The following ZNRF1 variants were observed in gnomAD, a reference collection of about 807,000 sequenced individuals.
ZNRF1 encodes the protein E3 ubiquitin-protein ligase ZNRF1.
A neutral mutation model predicts 18.4 loss-of-function variants in ZNRF1; 3 were observed. The observed-to-expected ratio is 0.16, with a 90% confidence interval of 0.07 to 0.42. ZNRF1 has a LOEUF of 0.42. Among genes scored for constraint, ZNRF1 ranks in the 10% least tolerant of loss-of-function variants. ZNRF1 has a pLI of 0.99. For missense variants in ZNRF1, 310 were observed against 329.8 expected, an observed-to-expected ratio of 0.94 and a Z score of 0.47; for synonymous variants, 157 against 144.2, an observed-to-expected ratio of 1.09 and a Z score of -0.64.
chr16:75,063,243 C>T (rs995807706), intron 1 of ZNRF1, among the ~76,000 whole-genome samples: 5 of 152,188 alleles, frequency 3.3e-5, no homozygotes, highest in African/African-American at 1.2e-4. Flanking sequence ...CGCTCACAGC[C>T]GGACTCTGGA....
intron 1 of ZNRF1, among the ~76,000 whole-genome samples, chr16:75,080,612 A>G (rs2145410514): frequency 6.6e-6 from 1 of 152,026 alleles, no homozygotes; most frequent in Admixed American, 6.6e-5. Context: ...TCCCTTCCCT[A>G]ACTGTTTTTC....
chr16:75,035,653 T>G (rs2035367839), intron 1 of ZNRF1, among the ~76,000 whole-genome samples: 1 of 152,212 alleles, frequency 6.6e-6, no homozygotes, highest in Non-Finnish European at 1.5e-5. Context: ...AATGCACGGT[T>G]TGACCCTTTG....
At chr16:75,025,621 T>C (rs1362162320) in intron 1 of ZNRF1, among the ~76,000 whole-genome samples, 1 of 152,156 alleles carries the variant, frequency 6.6e-6, no homozygotes, top group Non-Finnish European at 1.5e-5. Context: ...ACCAATTAAA[T>C]AATAAGCCAG....
intron 1 of ZNRF1, among the ~76,000 whole-genome samples, chr16:75,037,067 T>C (rs1275296479): frequency 6.6e-6 from 1 of 152,204 alleles, no homozygotes; most frequent in African/African-American, 2.4e-5. Flanking sequence ...GGAAATAAAC[T>C]ATTTCCATCT....
At position 75,109,205 on chromosome 16, in the gene ZNRF1, A is replaced by C. The variant is rs974467012; in HGVS notation, c.*1505A>C. 3.3e-5 allele frequency: 5 copies of C among 152,736 alleles called. No individual in the cohort carries two copies. The highest frequency in any genetic ancestry group is 1.2e-4 in the African/African-American group (5 of 41,470). The allele number at this position is 152,736 out of a possible 1,614,324, so 9.5% of individuals were successfully genotyped here. On this transcript the variant is annotated 3_prime_UTR_variant, in exon 5 of 5. Coordinates refer to ENST00000335325, the MANE Select transcript of ZNRF1 (RefSeq NM_032268.5). ...GCTCAGAGCCCTTGAACCAGAACCA[A>C]CTGCTCAGGCTCACAAAAGTTGGCA...
At chr16:75,055,467 G>A (rs2035656462) in intron 1 of ZNRF1, among the ~76,000 whole-genome samples, 1 of 152,286 alleles carries the variant, frequency 6.6e-6, no homozygotes, top group Non-Finnish European at 1.5e-5. Flanking sequence ...CTTGGTTCCA[G>A]CACTTTCCAT....
intron 1 of ZNRF1, among the ~76,000 whole-genome samples, chr16:75,039,279 CTT>C (rs770182095): frequency 2.0e-3 from 289 of 147,952 alleles, no homozygotes; most frequent in Non-Finnish European, 3.8e-3. Flanking sequence ...GTTTGGAAAA[CTT>C]TTTTTTTTAA....
intron 1 of ZNRF1, among the ~76,000 whole-genome samples, chr16:75,039,976 A>G (rs772695249): frequency 7.9e-5 from 12 of 151,978 alleles, no homozygotes; most frequent in Non-Finnish European, 8.8e-5. Flanking sequence ...ATAAATGTAC[A>G]ATGAGATTTA....
At chr16:75,011,860 G>A (rs2035004430) in intron 1 of ZNRF1, among the ~76,000 whole-genome samples, 1 of 152,146 alleles carries the variant, frequency 6.6e-6, no homozygotes, top group African/African-American at 2.4e-5. Flanking sequence ...GTTTTTTGAG[G>A]TATAGGAATC....
At chr16:75,066,244 G>C (rs908921518) in intron 1 of ZNRF1, among the ~76,000 whole-genome samples, 2 of 152,198 alleles carry the variant, frequency 1.3e-5, no homozygotes, top group East Asian at 3.8e-4. Context: ...TAAAGTATCA[G>C]ATAACTGGCC....
At chr16:75,079,790 G>A (rs965403610) in intron 1 of ZNRF1, among the ~76,000 whole-genome samples, 1 of 152,258 alleles carries the variant, frequency 6.6e-6, no homozygotes, top group South Asian at 2.1e-4. Flanking sequence ...TGTTGGAGGT[G>A]CAGCTGAACA....
chr16:75,042,174 T>G (rs1241250571), intron 1 of ZNRF1, among the ~76,000 whole-genome samples: 5 of 152,206 alleles, frequency 3.3e-5, no homozygotes, highest in Non-Finnish European at 5.9e-5. Context: ...TGCAACTATT[T>G]TCTCCCAATG....
chr16:75,005,315 C>A (rs2034903746), intron 1 of ZNRF1, among the ~76,000 whole-genome samples: 2 of 152,172 alleles, frequency 1.3e-5, no homozygotes, highest in African/African-American at 4.8e-5. Context: ...TTAACTCTTG[C>A]TTATTGAGGT....
At chr16:75,081,695 C>G (rs765404197) in intron 1 of ZNRF1, among the ~76,000 whole-genome samples, 2 of 152,168 alleles carry the variant, frequency 1.3e-5, no homozygotes, top group African/African-American at 4.8e-5. Flanking sequence ...GATGTTCAGT[C>G]GAATGACTGG....
At chr16:75,041,489 C>G (rs1044217071) in intron 1 of ZNRF1, among the ~76,000 whole-genome samples, 1 of 151,922 alleles carries the variant, frequency 6.6e-6, no homozygotes, top group East Asian at 1.9e-4. Flanking sequence ...GCCGCCATAT[C>G]CGGCTAATTT....
chr16:75,091,550 T>TG (rs71158577), intron 1 of ZNRF1, among the ~76,000 whole-genome samples: 7 of 149,542 alleles, frequency 4.7e-5, no homozygotes, highest in Non-Finnish European at 7.4e-5. Context: ...TTTTTTTTTT[T>TG]GAGACAGGAT....
chr16:75,084,792 G>C (rs895761778), intron 1 of ZNRF1, among the ~76,000 whole-genome samples: 1 of 152,132 alleles, frequency 6.6e-6, no homozygotes, highest in Non-Finnish European at 1.5e-5. Context: ...CCTGACCGCT[G>C]TATCCAAATT....
At chr16:75,051,981 A>C (rs377356955) in intron 1 of ZNRF1, among the ~76,000 whole-genome samples, 2 of 152,250 alleles carry the variant, frequency 1.3e-5, no homozygotes, top group Non-Finnish European at 2.9e-5. Context: ...ACTGGTGTTA[A>C]GTATTTCTTT....
In ZNRF1 at chr16:74,999,718, CG is replaced by C; in HGVS notation, c.52del (p.Val18SerfsTer145). 3 of 1,371,064 alleles carry C rather than the reference CG, an allele frequency of 2.2e-6. No homozygotes were observed. The highest frequency in any genetic ancestry group is 1.9e-6 in the Non-Finnish European group (2 of 1,068,594). 84.9% of individuals were successfully genotyped at this position (1,371,064 alleles called of 1,614,324 possible). A position where few individuals can be genotyped will look rare whatever the true frequency, so the allele number is the denominator to read the frequency against. On this transcript the variant is annotated frameshift_variant, in exon 1 of 5. Transcript: ENST00000335325. LOFTEE classifies it high-confidence loss of function. The part of the protein sequence containing the change: ...STAARSRGPF[P>X]GVSTDDSAVP... ...GCGGCCCGCTCCCGGGGCCCCTTCC[CG>C]GGGGTCTCCACCGATGACAGCGCCG... is the stretch of plus-strand genomic sequence containing the variant.
Sources: gnomAD v4.1 joint callset for allele counts (sites outside exome capture counted in the v4.1 genomes callset) on GRCh38, gnomAD v4.1.1 for gene constraint, MANE v1.5 for transcripts, NCBI Gene and HGNC (gene_info 2026-07-23, HGNC 2026-07-21) for gene names.